The following PRUNE2 variants were observed in gnomAD, a reference collection of about 807,000 sequenced individuals.
PRUNE2 encodes the protein protein prune homolog 2.
A neutral mutation model predicts 252.0 loss-of-function variants in PRUNE2; 164 were observed. The ratio of observed to expected loss-of-function variants is 0.65; its 90% CI spans 0.57 to 0.74. The LOEUF (loss-of-function observed/expected upper bound fraction) is 0.74. Ranked by LOEUF, PRUNE2 falls within the 30% of genes least tolerant of loss-of-function variation. The pLI is 0.00. For missense variants in PRUNE2, 3,495 were observed against 3,711.0 expected (o/e 0.94, Z 1.51); for synonymous variants, 1,292 against 1,350.2 (o/e 0.96, Z 0.94).
intron 4 of PRUNE2, among the ~76,000 whole-genome samples, chr9:76,829,306 T>C (rs1002285119): frequency 1.3e-5 from 2 of 152,160 alleles, no homozygotes; most frequent in African/African-American, 2.4e-5. Flanking sequence ...AATAAGCCAA[T>C]AGGCTGAAAA....
chr9:76,806,672 T>A (rs1174467662), intron 6 of PRUNE2, among the ~76,000 whole-genome samples: 1 of 119,640 alleles, frequency 8.4e-6, no homozygotes, highest in Non-Finnish European at 1.8e-5. Flanking sequence ...CACGCCCGGC[T>A]AATTTTTTTT....
At chr9:76,729,223 T>C (rs2048363800) in intron 6 of PRUNE2, among the ~76,000 whole-genome samples, 1 of 152,322 alleles carries the variant, frequency 6.6e-6, no homozygotes, top group South Asian at 2.1e-4. Context: ...TCTAAGTCAA[T>C]GATCCTCAAA....
chr9:76,733,322 A>T (rs989654809), intron 6 of PRUNE2, among the ~76,000 whole-genome samples: 10 of 152,180 alleles, frequency 6.6e-5, no homozygotes, highest in African/African-American at 2.4e-4. Context: ...CCAGACCACA[A>T]ATATCTGACT....
chr9:76,637,266 C>T (rs115160764), intron 14 of PRUNE2, among the ~76,000 whole-genome samples, 152 bp downstream of exon 14: 1,533 of 152,252 alleles, frequency 0.01, 24 homozygotes, highest in African/African-American at 0.035. Flanking sequence ...GAAAAGAATA[C>T]ATGCTTAATA....
chr9:76,649,035 T>A (rs1036071669), intron 11 of PRUNE2, among the ~76,000 whole-genome samples: 1 of 152,162 alleles, frequency 6.6e-6, no homozygotes, highest in Admixed American at 6.5e-5. Flanking sequence ...GCAAGGGATG[T>A]AGACAGTGAA....
chr9:76,750,710 C>T (rs1473178475), intron 6 of PRUNE2, among the ~76,000 whole-genome samples: 1 of 152,164 alleles, frequency 6.6e-6, no homozygotes, highest in East Asian at 1.9e-4. Context: ...TGAACTAAGG[C>T]AGTCGCAGTG....
At chr9:76,794,502 C>A (rs2055871263) in intron 6 of PRUNE2, among the ~76,000 whole-genome samples, 1 of 151,324 alleles carries the variant, frequency 6.6e-6, no homozygotes, top group Non-Finnish European at 1.5e-5. Context: ...GTAGTCCCAG[C>A]TACTCGGGAG....
chr9:76,788,850 G>A (rs535731023), intron 6 of PRUNE2, among the ~76,000 whole-genome samples: 1 of 152,274 alleles, frequency 6.6e-6, no homozygotes, highest in Admixed American at 6.5e-5. Flanking sequence ...GTCCCAATCT[G>A]TGTCTCTGTT....
intron 6 of PRUNE2, among the ~76,000 whole-genome samples, chr9:76,782,273 G>A (rs2054499030): frequency 2.0e-5 from 3 of 152,182 alleles, no homozygotes; most frequent in Non-Finnish European, 4.4e-5. Context: ...CCACTTGGAA[G>A]AGAAGTGACA....
chr9:76,745,364 G>A (rs1213816973), intron 6 of PRUNE2, among the ~76,000 whole-genome samples: 1 of 152,184 alleles, frequency 6.6e-6, no homozygotes, highest in East Asian at 1.9e-4. Flanking sequence ...CCTCATGCCA[G>A]AGATCACAAG....
chr9:76,722,010 G>C (rs1172493281), intron 6 of PRUNE2, among the ~76,000 whole-genome samples: 1 of 152,068 alleles, frequency 6.6e-6, no homozygotes, highest in East Asian at 1.9e-4. Context: ...TAATTGGTAA[G>C]CAAAGATATT....
chr9:76,851,555 A>C (rs1419964378), intron 2 of PRUNE2, among the ~76,000 whole-genome samples: 1 of 137,468 alleles, frequency 7.3e-6, no homozygotes, highest in Non-Finnish European at 1.5e-5. Context: ...CTCGGAAAAA[A>C]AAAAAACACA....
chr9:76,851,394 A>C (rs974712216), intron 2 of PRUNE2, among the ~76,000 whole-genome samples: 3 of 152,126 alleles, frequency 2.0e-5, no homozygotes, highest in African/African-American at 7.2e-5. Flanking sequence ...AAAAATACAA[A>C]AAAATTAGCC....
At chr9:76,808,194 C>G (rs994385301) in intron 6 of PRUNE2, among the ~76,000 whole-genome samples, 1 of 152,092 alleles carries the variant, frequency 6.6e-6, no homozygotes, top group African/African-American at 2.4e-5. Flanking sequence ...AAAACAAAAA[C>G]AAAAACACCT....
intron 9 of PRUNE2, among the ~76,000 whole-genome samples, chr9:76,687,325 A>C (rs1345118506): frequency 6.6e-6 from 1 of 152,146 alleles, no homozygotes; most frequent in East Asian, 1.9e-4. Flanking sequence ...CAATTTCATC[A>C]ACCTTTCCTG....
intron 12 of PRUNE2, among the ~76,000 whole-genome samples, chr9:76,641,666 T>G (rs1023998748): frequency 1.3e-5 from 2 of 152,086 alleles, no homozygotes; most frequent in Admixed American, 6.6e-5. Flanking sequence ...AAACATTTCT[T>G]TCATTAGACT....
At chr9:76,761,202 G>A (rs2051695525) in intron 6 of PRUNE2, among the ~76,000 whole-genome samples, 1 of 151,904 alleles carries the variant, frequency 6.6e-6, no homozygotes, top group East Asian at 1.9e-4. Flanking sequence ...AGCCTCATTT[G>A]GGGAGTTTAA....
intron 6 of PRUNE2, 119 bp downstream of exon 6, chr9:76,823,513 G>T: frequency 1.5e-6 from 1 of 670,568 alleles, no homozygotes; most frequent in Non-Finnish European, 2.7e-6. Context: ...CAAGTCAAAT[G>T]TATCACAAAG....
chr9:76,884,763 G>A (rs1032944744), intron 1 of PRUNE2, among the ~76,000 whole-genome samples: 1 of 152,130 alleles, frequency 6.6e-6, no homozygotes, highest in Admixed American at 6.5e-5. Context: ...CCCTAGTTTG[G>A]AACAGTTGAA....
Sources: allele counts gnomAD v4.1 joint callset (sites outside exome capture counted in the v4.1 genomes callset), GRCh38; gene constraint gnomAD v4.1.1; transcripts MANE v1.5; gene names NCBI Gene and HGNC (gene_info 2026-07-23, HGNC 2026-07-21).